Variants in UTRN observed in about 807,000 individuals in gnomAD.
UTRN encodes the protein utrophin.
UTRN carries 283 observed loss-of-function variants against 463.9 expected under a neutral mutation model. The ratio of observed to expected loss-of-function variants is 0.61; its 90% confidence interval spans 0.55 to 0.67. The LOEUF (loss-of-function observed/expected upper bound fraction) is 0.67, where lower values mean the gene tolerates loss of function less well. Among genes scored for constraint, UTRN ranks in the 30% least tolerant of loss-of-function variants. The pLI, the probability that UTRN is intolerant of heterozygous loss-of-function variation, is 0.00. For missense variants in UTRN, 3,922 were observed against 4,084.3 expected (o/e 0.96, Z 1.08); for synonymous variants, 1,442 against 1,431.5 (o/e 1.01, Z -0.17).
chr6:144,545,483 C>T (rs1225905122), intron 46 of UTRN, among the ~76,000 whole-genome samples: 1 of 152,226 alleles, frequency 6.6e-6, no homozygotes, highest in Non-Finnish European at 1.5e-5. Flanking sequence ...GGTCTTCTTG[C>T]TGTTTCAAAC....
chr6:144,532,008 G>A (rs577179126), intron 42 of UTRN, among the ~76,000 whole-genome samples: 42 of 152,100 alleles, frequency 2.8e-4, no homozygotes, highest in African/African-American at 9.2e-4. Context: ...ATGGTGGAAC[G>A]CACCTGCAGT....
chr6:144,492,463 G>T (rs900559408), intron 32 of UTRN, among the ~76,000 whole-genome samples: 1 of 152,172 alleles, frequency 6.6e-6, no homozygotes, highest in Non-Finnish European at 1.5e-5. Flanking sequence ...GCTATTGTGT[G>T]TAGTGGTGTG....
intron 51 of UTRN, among the ~76,000 whole-genome samples, chr6:144,597,958 C>A (rs2128635013): frequency 6.6e-6 from 1 of 152,252 alleles, no homozygotes; most frequent in Non-Finnish European, 1.5e-5. Context: ...TTTTCCCCTG[C>A]TTATCTGGTG....
At chr6:144,659,225 G>T (rs553535129) in intron 51 of UTRN, among the ~76,000 whole-genome samples, 1 of 152,318 alleles carries the variant, frequency 6.6e-6, no homozygotes, top group East Asian at 1.9e-4. Flanking sequence ...AAAAGATAGA[G>T]AACTGACTTT....
At chr6:144,537,773 A>T in intron 44 of UTRN, 56 bp downstream of exon 44, 1 of 1,565,820 alleles carries the variant, frequency 6.4e-7, no homozygotes, top group Non-Finnish European at 8.6e-7. Context: ...TATACTTCAG[A>T]GTCACATACT....
intron 34 of UTRN, among the ~76,000 whole-genome samples, chr6:144,501,880 A>G (rs1477735153): frequency 6.6e-6 from 1 of 152,134 alleles, no homozygotes; most frequent in Non-Finnish European, 1.5e-5. Context: ...ACTTGACATC[A>G]TGTTTTGGTT....
chr6:144,594,223 G>A (rs1170860476), intron 51 of UTRN, among the ~76,000 whole-genome samples: 1 of 152,168 alleles, frequency 6.6e-6, no homozygotes, highest in East Asian at 1.9e-4. Flanking sequence ...TAGGGAAGCA[G>A]TGCCTTAACA....
At chr6:144,401,154 A>T (rs1477494512) in intron 2 of UTRN, among the ~76,000 whole-genome samples, 1 of 152,116 alleles carries the variant, frequency 6.6e-6, no homozygotes, top group African/African-American at 2.4e-5. Context: ...AATGTTATCA[A>T]ATTAAGATAA....
chr6:144,773,148 A>G (rs1184272784), intron 59 of UTRN, among the ~76,000 whole-genome samples: 26 of 152,202 alleles, frequency 1.7e-4, no homozygotes, highest in Admixed American at 1.6e-3. Flanking sequence ...GAAAGAAATT[A>G]CAATATCTAT....
intron 51 of UTRN, among the ~76,000 whole-genome samples, chr6:144,606,868 C>T (rs2128639821): frequency 6.6e-6 from 1 of 152,208 alleles, no homozygotes; most frequent in East Asian, 1.9e-4. Context: ...TTACAGGTGA[C>T]CTGCAATTCC....
At chr6:144,384,269 A>G (rs1251764708) in intron 2 of UTRN, among the ~76,000 whole-genome samples, 1 of 152,128 alleles carries the variant, frequency 6.6e-6, no homozygotes, top group East Asian at 1.9e-4. Flanking sequence ...GTCACACAGC[A>G]GGGGGTGAGC....
chr6:144,493,555 A>AT lies in UTRN; in HGVS notation c.4593+105dup, dbSNP rs1562483148. 5 of 1,352,924 alleles carry AT rather than the reference A, an allele frequency of 3.7e-6. No homozygotes were observed. The African/African-American group carries it at 7.4e-5, about 20-fold the overall frequency. The allele number at this position is 1,352,924 out of a possible 1,614,324, so 83.8% of individuals were successfully genotyped here. On this transcript the variant is annotated intron_variant, in intron 33 of 74. Transcript: ENST00000367545. ...TCTCTCTCATGTATTTTTAAATTTC[A>AT]TTTTTTGGAAAATGCATGTTTGAAA... is the stretch of plus-strand genomic sequence containing the variant.
chr6:144,524,850 A>G (rs1053127043), intron 41 of UTRN, among the ~76,000 whole-genome samples: 12 of 152,166 alleles, frequency 7.9e-5, no homozygotes, highest in African/African-American at 2.9e-4. Context: ...GGCTTTTATT[A>G]CCTGAAGGTA....
intron 41 of UTRN, among the ~76,000 whole-genome samples, chr6:144,529,270 C>T (rs1331584969): frequency 2.0e-5 from 3 of 152,222 alleles, no homozygotes; most frequent in African/African-American, 4.8e-5. Flanking sequence ...CAGCTGAGAA[C>T]GCAAGCTGAT....
At chr6:144,682,289 A>G (rs1782283097) in intron 52 of UTRN, among the ~76,000 whole-genome samples, 1 of 152,190 alleles carries the variant, frequency 6.6e-6, no homozygotes, top group Non-Finnish European at 1.5e-5. Flanking sequence ...ACTTAACATA[A>G]TGATCTCCCC....
chr6:144,545,017 A>G (rs1319199248), intron 46 of UTRN, among the ~76,000 whole-genome samples: 2 of 152,110 alleles, frequency 1.3e-5, no homozygotes, highest in Non-Finnish European at 2.9e-5. Context: ...TTTTCTACCT[A>G]TGCTTACCAG....
chr6:144,548,271 G>A (rs958845308), intron 46 of UTRN, among the ~76,000 whole-genome samples: 1 of 152,038 alleles, frequency 6.6e-6, no homozygotes, highest in African/African-American at 2.4e-5. Flanking sequence ...AATAAAATAT[G>A]CTCACATTAT....
intron 51 of UTRN, among the ~76,000 whole-genome samples, chr6:144,622,471 G>A (rs1041843865): frequency 6.6e-6 from 1 of 152,036 alleles, no homozygotes; most frequent in Non-Finnish European, 1.5e-5. Flanking sequence ...ACAGGTGTGA[G>A]CCACTGTGCC....
At chr6:144,794,070 C>A (rs1335025054) in intron 63 of UTRN, 79 bp downstream of exon 63, 2 of 1,537,436 alleles carry the variant, frequency 1.3e-6, no homozygotes, top group Non-Finnish European at 8.8e-7. Flanking sequence ...GAATAGGGAA[C>A]TCGGGCTGGA....
Sources: gnomAD v4.1 joint callset for allele counts (sites outside exome capture counted in the v4.1 genomes callset) on GRCh38, gnomAD v4.1.1 for gene constraint, MANE v1.5 for transcripts, NCBI Gene and HGNC (gene_info 2026-07-23, HGNC 2026-07-21) for gene names.